Variants in GLDC observed in about 807,000 individuals in gnomAD.
The protein encoded by GLDC is glycine decarboxylase, also known as glycine dehydrogenase (decarboxylating), mitochondrial.
In GLDC, 104 loss-of-function variants were observed where a neutral mutation model predicts 121.3. That is an observed-to-expected ratio of 0.86 (90% confidence interval 0.73 to 1.01). The LOEUF (loss-of-function observed/expected upper bound fraction) is 1.01. Among genes scored for constraint, GLDC ranks in the 50% least tolerant of loss-of-function variants. The probability of loss-of-function intolerance (pLI) is 0.00; values close to 1 mark genes in which losing one functional copy is unlikely to be tolerated. For missense variants in GLDC, 1,429 were observed against 1,306.6 expected (o/e 1.09, Z -1.44); for synonymous variants, 546 against 480.6 (o/e 1.14, Z -1.78).
chr9:6,532,813 A>T lies in GLDC; in HGVS notation c.*204T>A. Reference sequence around the variant, plus strand: ...GGCAACTGGCACATGTGGAAGCAGAATACCAAAGCAAATCCGTCTTCCAAC... The same window carrying T: ...GGCAACTGGCACATGTGGAAGCAGATTACCAAAGCAAATCCGTCTTCCAAC... On this transcript the variant is annotated 3_prime_UTR_variant, in exon 25 of 25. Coordinates refer to ENST00000321612, the MANE Select transcript of GLDC (RefSeq NM_000170.3). 1.7e-6 allele frequency: 1 copy of T among 584,932 alleles called. No individual in the cohort carries two copies. The highest frequency in any genetic ancestry group is 3.1e-6 in the Non-Finnish European group (1 of 325,296). The allele number at this position is 584,932 out of a possible 1,614,324, so 36.2% of individuals were successfully genotyped here.
intron 2 of GLDC, chr9:6,639,737 TACCAG>T (rs1819591634): frequency 5.8e-6 from 1 of 173,428 alleles, no homozygotes; most frequent in African/African-American, 2.5e-5. Context: ...AATAGACAAT[TACCAG>T]ACCATATTTA....
chr9:6,637,955 C>T, intron 2 of GLDC, among the ~76,000 whole-genome samples: 1 of 151,440 alleles, frequency 6.6e-6, no homozygotes, highest in African/African-American at 2.4e-5. Context: ...TCCCAAAGTG[C>T]TGAGATTACA....
At chr9:6,628,310 A>T (rs1819289448) in intron 2 of GLDC, among the ~76,000 whole-genome samples, 1 of 152,236 alleles carries the variant, frequency 6.6e-6, no homozygotes, top group Admixed American at 6.5e-5. Flanking sequence ...AAATGGGAAA[A>T]GGGAAAAAGA....
At position 6,533,068 on chromosome 9, in the gene GLDC, G is replaced by T; in HGVS notation, c.3012C>A (p.Pro1004=). The T allele has an allele frequency of 6.2e-7, 1 of 1,611,316 alleles. No individual in the cohort carries two copies. Among genetic ancestry groups the T allele is most frequent in the Non-Finnish European group, 8.5e-7 (1 of 1,177,448 alleles). The stretch of plus-strand genomic sequence containing the variant: ...AAAATGGAGACTCATAAACTTCCAT[G>T]GGTGGGCAGGTACAAACCAGGTGCT... ...GDQHLVCTCP[P]MEVYESPFSE... Residue 1004 remains proline (P), a synonymous_variant, in exon 25 of 25, where the codon CCC becomes CCA. Coordinates refer to ENST00000321612, the MANE Select transcript of GLDC (RefSeq NM_000170.3).
chr9:6,562,242 A>T (rs1260233131), intron 16 of GLDC, among the ~76,000 whole-genome samples: 1 of 152,226 alleles, frequency 6.6e-6, no homozygotes, highest in African/African-American at 2.4e-5. Flanking sequence ...TAAACTCATA[A>T]ATCAAGAAGT....
At chr9:6,639,035 G>T in intron 2 of GLDC, 1 of 572,750 alleles carries the variant, frequency 1.7e-6, no homozygotes. Flanking sequence ...TATATCCTCA[G>T]AGTGTCTTTC....
chr9:6,607,991 C>A (rs1454123516), intron 4 of GLDC, among the ~76,000 whole-genome samples: 1 of 151,972 alleles, frequency 6.6e-6, no homozygotes, highest in Non-Finnish European at 1.5e-5. Context: ...GGCATGGTGG[C>A]ATGGGCCTAT....
At chr9:6,606,723 C>T in intron 4 of GLDC, 54 bp from the exon 5 acceptor site, 1 of 997,862 alleles carries the variant, frequency 1.0e-6, no homozygotes. Context: ...ATAGGACTAT[C>T]TTCTAAGAAC....
chr9:6,625,018 C>T (rs886402450), intron 2 of GLDC, among the ~76,000 whole-genome samples: 14 of 151,586 alleles, frequency 9.2e-5, no homozygotes, highest in African/African-American at 3.4e-4. Flanking sequence ...AGGTGAACTC[C>T]AGCACTTTGC....
chr9:6,536,213 A>C lies in GLDC; in HGVS notation c.2689T>G (p.Trp897Gly). Residue 897 changes from tryptophan to glycine, a missense_variant, in exon 23 of 25, where the codon TGG (tryptophan) becomes GGG (glycine). Transcript: ENST00000321612. ...ACCATGAGGGTCCCTGCCACAGGCC[A>C]GGACATGGTAGGGGCGTGAAATCCT... ...DYGFHAPTMSWPVAGTLMVEP... is the reference protein window; with the variant it reads ...DYGFHAPTMSGPVAGTLMVEP... 2 of 1,614,026 alleles carry C rather than the reference A, an allele frequency of 1.2e-6. No homozygotes were observed. Among genetic ancestry groups the C allele is most frequent in the Non-Finnish European group, 1.7e-6 (2 of 1,179,958 alleles).
At chr9:6,619,192 A>G (rs1264444439) in intron 3 of GLDC, among the ~76,000 whole-genome samples, 1 of 147,482 alleles carries the variant, frequency 6.8e-6, no homozygotes, top group Non-Finnish European at 1.5e-5. Flanking sequence ...AGTAGGAGTG[A>G]CTTATCTAAC....
At chr9:6,591,859 G>C (rs576503013) in intron 11 of GLDC, 1 of 223,904 alleles carries the variant, frequency 4.5e-6, no homozygotes, top group Non-Finnish European at 8.6e-6. Flanking sequence ...CCAAAGTGCT[G>C]GGATTACAGG....
At chr9:6,621,523 T>C (rs1464103695) in intron 2 of GLDC, among the ~76,000 whole-genome samples, 1 of 151,986 alleles carries the variant, frequency 6.6e-6, no homozygotes, top group African/African-American at 2.4e-5. Flanking sequence ...GAAGGGTCCT[T>C]TTTTGTTTTT....
At chr9:6,582,626 G>A (rs966001996) in intron 15 of GLDC, among the ~76,000 whole-genome samples, 2 of 151,874 alleles carry the variant, frequency 1.3e-5, no homozygotes, top group African/African-American at 4.8e-5. Flanking sequence ...TCAGGAGATC[G>A]AGACCATCCT....
At position 6,595,000 on chromosome 9, in the gene GLDC, G is replaced by A. The variant is rs770383840; in HGVS notation, c.1261+14C>T. The A allele has an allele frequency of 6.9e-7, 1 of 1,458,310 alleles. No individual in the cohort carries two copies. Among genetic ancestry groups the A allele is most frequent in the East Asian group, 2.3e-5 (1 of 44,146 alleles). 90.3% of individuals were successfully genotyped at this position (1,458,310 alleles called of 1,614,324 possible). On this transcript the variant is annotated intron_variant, in intron 9 of 24. Transcript: ENST00000321612. ...TTATTATGCCCAAATGTTTTAGACA[G>A]ATTACCAACTCACCTTCTGACAAAA...
chr9:6,571,555 T>C (rs1207491292), intron 15 of GLDC, among the ~76,000 whole-genome samples: 6 of 152,148 alleles, frequency 3.9e-5, no homozygotes, highest in African/African-American at 2.4e-5. Flanking sequence ...TGTGATAACA[T>C]AGCAGTTGAT....
intron 7 of GLDC, 147 bp downstream of exon 7, chr9:6,604,439 CAG>C: frequency 1.3e-6 from 1 of 788,094 alleles, no homozygotes; most frequent in Non-Finnish European, 2.1e-6. Context: ...ATATCCCAAA[CAG>C]AATTGTTCTT....
rs780227327 is a variant in GLDC at position 6,595,120 on chromosome 9, C to G, written c.1156-1G>C. 2 of 1,595,502 alleles carry G rather than the reference C, an allele frequency of 1.3e-6. No individual in the cohort carries two copies. The highest frequency in any genetic ancestry group is 2.2e-5 in the South Asian group (2 of 90,696). On this transcript the variant is annotated splice_acceptor_variant, in intron 8 of 24. Transcript: ENST00000321612. LOFTEE classifies it high-confidence loss of function. ...TGGCAGCCATATTCGCCAAGAGGGCCTAAAAGATAAGAACATTTAAAGAAT... is the reference window on the plus strand; with the variant it reads ...TGGCAGCCATATTCGCCAAGAGGGCGTAAAAGATAAGAACATTTAAAGAAT...
Position 6,645,602 on chromosome 9 carries a change from GC to G in GLDC, c.-104del. On this transcript the variant is annotated 5_prime_UTR_variant, in exon 1 of 25. Transcript: ENST00000321612. ...GGGTGGCGGCTGCGCCCGGCCTGGA[GC>G]CCCTTTCGCTGGACAGTCGGCCGGA... 1.2e-6 allele frequency: 1 copy of G among 841,478 alleles called. No homozygotes were observed. Among genetic ancestry groups the G allele is most frequent in the Non-Finnish European group, 1.6e-6 (1 of 637,388 alleles). The allele number at this position is 841,478 out of a possible 1,614,324, so 52.1% of individuals were successfully genotyped here.
Sources: gnomAD v4.1 joint callset for allele counts (sites outside exome capture counted in the v4.1 genomes callset) on GRCh38, gnomAD v4.1.1 for gene constraint, MANE v1.5 for transcripts, NCBI Gene and HGNC (gene_info 2026-07-23, HGNC 2026-07-21) for gene names.